Variants in GALK2 observed in about 807,000 individuals in gnomAD.
The protein encoded by GALK2 is N-acetylgalactosamine kinase.
Under a neutral mutation model 52.4 loss-of-function variants are expected in GALK2, and 36 were observed. That is an observed-to-expected ratio of 0.69 (90% confidence interval 0.53 to 0.91). GALK2 has a LOEUF of 0.91. Ranked by LOEUF, GALK2 falls within the 40% of genes least tolerant of loss-of-function variation. The probability of loss-of-function intolerance (pLI) is 0.00; values close to 1 mark genes in which losing one functional copy is unlikely to be tolerated. For missense variants in GALK2, 579 were observed against 559.1 expected, an observed-to-expected ratio of 1.04 and a Z score of -0.36; for synonymous variants, 176 against 199.1, an observed-to-expected ratio of 0.88 and a Z score of 0.98.
intron 3 of GALK2, among the ~76,000 whole-genome samples, chr15:49,363,073 T>C (rs544492952): frequency 6.6e-6 from 1 of 152,348 alleles, no homozygotes; most frequent in African/African-American, 2.4e-5. Context: ...TCCAGCTTTG[T>C]CCTTTTTGCT....
chr15:49,209,884 T>G (rs555656079), intron 2 of GALK2, among the ~76,000 whole-genome samples: 1 of 152,366 alleles, frequency 6.6e-6, no homozygotes, highest in South Asian at 2.1e-4. Flanking sequence ...CTTTCAATTT[T>G]TTTGCAAGTC....
intron 1 of GALK2, chr15:49,177,734 TC>T: frequency 1.2e-6 from 1 of 814,294 alleles, no homozygotes; most frequent in Non-Finnish European, 1.8e-6. Context: ...AGCCCATGCA[TC>T]ACCCTTTGCT....
At chr15:49,282,402 C>T (rs1454016091) in intron 6 of GALK2, among the ~76,000 whole-genome samples, 4 of 152,130 alleles carry the variant, frequency 2.6e-5, no homozygotes, top group Non-Finnish European at 4.4e-5. Context: ...GTTATTGGAA[C>T]CTCATTTCCT....
chr15:49,363,186 A>G (rs757127569), intron 3 of GALK2, among the ~76,000 whole-genome samples: 22 of 152,170 alleles, frequency 1.4e-4, no homozygotes, highest in Non-Finnish European at 4.4e-5. Context: ...TGATAGGAAT[A>G]GCATTGAATC....
intron 8 of GALK2, among the ~76,000 whole-genome samples, chr15:49,309,255 A>C (rs1567046856): frequency 1.3e-5 from 2 of 152,176 alleles, no homozygotes. Flanking sequence ...GAAATATATA[A>C]TCCTAAAAGA....
intron 1 of GALK2, among the ~76,000 whole-genome samples, chr15:49,185,367 T>C (rs2086269938): frequency 6.6e-6 from 1 of 152,230 alleles, no homozygotes; most frequent in Non-Finnish European, 1.5e-5. Flanking sequence ...ATTTTCTTTA[T>C]CCAGTCTACC....
At chr15:49,282,816 C>T (rs1234514571) in intron 6 of GALK2, among the ~76,000 whole-genome samples, 1 of 152,132 alleles carries the variant, frequency 6.6e-6, no homozygotes, top group Non-Finnish European at 1.5e-5. Context: ...TTATTGATTC[C>T]CCTAAGCCAA....
In GALK2 at chr15:49,328,596, T is replaced by C. The variant is rs141143208; in HGVS notation, c.*437T>C. 3.8e-5 allele frequency: 60 copies of C among 1,596,650 alleles called. No individual in the cohort carries two copies. The highest frequency in any genetic ancestry group is 1.2e-4 in the Admixed American group (7 of 57,984). On this transcript the variant is annotated 3_prime_UTR_variant, in exon 10 of 10. Transcript: ENST00000560031. ...GTATTCTTCTTCCTCAAAGTTGTAG[T>C]TGTCTGTTGATGATGGTGATGATGA...
chr15:49,168,809 A>G (rs1027121472), upstream of GALK2, among the ~76,000 whole-genome samples: 5 of 151,260 alleles, frequency 3.3e-5, no homozygotes, highest in African/African-American at 1.2e-4. Flanking sequence ...TTATCTCCCT[A>G]TTAAAACTAT....
chr15:49,316,006 G>A (rs2036376212), intron 8 of GALK2, among the ~76,000 whole-genome samples: 1 of 152,130 alleles, frequency 6.6e-6, no homozygotes, highest in South Asian at 2.1e-4. Flanking sequence ...TCTCCCTGAT[G>A]GACTATATTG....
chr15:49,257,863 C>G (rs989474497), intron 5 of GALK2, among the ~76,000 whole-genome samples: 1 of 150,422 alleles, frequency 6.6e-6, no homozygotes, highest in East Asian at 1.9e-4. Flanking sequence ...ACTGTAAAAG[C>G]AATATATTCT....
At chr15:49,310,755 G>A (rs946167370) in intron 8 of GALK2, among the ~76,000 whole-genome samples, 3 of 151,880 alleles carry the variant, frequency 2.0e-5, no homozygotes, top group Non-Finnish European at 2.9e-5. Context: ...TTGTTGTTGA[G>A]TTGTTTGAGT....
intron 1 of GALK2, 193 bp downstream of exon 1, chr15:49,170,568 A>G (rs1367438132): frequency 3.4e-6 from 2 of 585,446 alleles, no homozygotes; most frequent in Non-Finnish European, 6.1e-6. Context: ...TACCTTGACT[A>G]CTACGAAGGG....
At chr15:49,265,604 C>T (rs2092331375) in intron 5 of GALK2, among the ~76,000 whole-genome samples, 1 of 152,228 alleles carries the variant, frequency 6.6e-6, no homozygotes, top group Non-Finnish European at 1.5e-5. Flanking sequence ...GTCTGGCACT[C>T]CCTAGGGAGA....
At chr15:49,303,598 T>G (rs1234724605) in intron 8 of GALK2, among the ~76,000 whole-genome samples, 1 of 152,230 alleles carries the variant, frequency 6.6e-6, no homozygotes, top group African/African-American at 2.4e-5. Context: ...TATTTACTTA[T>G]TTGCTCATTT....
At chr15:49,274,152 G>A (rs1459111104) in intron 5 of GALK2, among the ~76,000 whole-genome samples, 1 of 152,128 alleles carries the variant, frequency 6.6e-6, no homozygotes, top group Non-Finnish European at 1.5e-5. Flanking sequence ...CTTAACAATG[G>A]GGTAATGGAC....
intron 3 of GALK2, among the ~76,000 whole-genome samples, chr15:49,221,419 A>T (rs2089782636): frequency 6.6e-6 from 1 of 152,066 alleles, no homozygotes; most frequent in Non-Finnish European, 1.5e-5. Flanking sequence ...TAATCCCTGC[A>T]CTTTGGGAGG....
chr15:49,364,116 G>A (rs183235818), intron 3 of GALK2, among the ~76,000 whole-genome samples: 255 of 152,264 alleles, frequency 1.7e-3, no homozygotes, highest in African/African-American at 5.8e-3. Context: ...ATATTAGGAT[G>A]ATGCTGGCCT....
At chr15:49,302,331 C>G (rs3907313) in intron 8 of GALK2, among the ~76,000 whole-genome samples, 62,540 of 151,840 alleles carry the variant, frequency 0.41, 13,035 homozygotes, top group African/African-American at 0.43. Context: ...ATGGCTATTT[C>G]CCATTCTAGT....
Sources: allele counts gnomAD v4.1 joint callset (sites outside exome capture counted in the v4.1 genomes callset), GRCh38; gene constraint gnomAD v4.1.1; transcripts MANE v1.5; gene names NCBI Gene and HGNC (gene_info 2026-07-23, HGNC 2026-07-21).